The following CDKAL1 variants were observed in gnomAD, a reference collection of about 807,000 sequenced individuals.
The protein encoded by CDKAL1 is threonylcarbamoyladenosine tRNA methylthiotransferase.
In CDKAL1, 32 loss-of-function variants were observed where a neutral mutation model predicts 68.2. That is an observed-to-expected ratio of 0.47 (90% confidence interval 0.35 to 0.63). The LOEUF is 0.63. CDKAL1 is among the 30% of genes least tolerant of loss of function. The pLI, the probability that CDKAL1 is intolerant of heterozygous loss-of-function variation, is 0.00. For missense variants in CDKAL1, 606 were observed against 696.7 expected (o/e 0.87, Z 1.47); for synonymous variants, 234 against 244.3 (o/e 0.96, Z 0.39).
At chr6:21,195,102 C>T (rs954661587) in intron 13 of CDKAL1, among the ~76,000 whole-genome samples, 1 of 152,092 alleles carries the variant, frequency 6.6e-6, no homozygotes, top group African/African-American at 2.4e-5. Context: ...GCAGTGGGGA[C>T]GGATTGCAGC....
intron 4 of CDKAL1, among the ~76,000 whole-genome samples, chr6:20,616,207 G>A (rs1766891448): frequency 1.3e-5 from 2 of 152,156 alleles, no homozygotes; most frequent in Non-Finnish European, 2.9e-5. Flanking sequence ...TTTGAAGTCA[G>A]GTAGTGTGAT....
chr6:20,918,425 T>C (rs777652192), intron 9 of CDKAL1, among the ~76,000 whole-genome samples: 4 of 152,206 alleles, frequency 2.6e-5, no homozygotes, highest in Non-Finnish European at 5.9e-5. Flanking sequence ...AGAATCATAA[T>C]AACCTTGAAT....
intron 4 of CDKAL1, chr6:20,599,316 G>C (rs1765980342): frequency 2.2e-6 from 1 of 449,162 alleles, no homozygotes. Context: ...GAATAAAGTT[G>C]CATTATTGTT....
chr6:20,997,196 G>C (rs1767168792), intron 10 of CDKAL1, among the ~76,000 whole-genome samples: 6 of 152,144 alleles, frequency 3.9e-5, no homozygotes, highest in Admixed American at 3.9e-4. Context: ...TGTATTGCCA[G>C]GAAGAGCTAA....
chr6:21,121,024 A>G (rs928031542), intron 13 of CDKAL1, among the ~76,000 whole-genome samples: 3 of 152,172 alleles, frequency 2.0e-5, no homozygotes, highest in African/African-American at 7.2e-5. Flanking sequence ...CATGATAGAT[A>G]TTGGCCGAGA....
intron 5 of CDKAL1, among the ~76,000 whole-genome samples, chr6:20,698,521 C>T (rs904094181): frequency 1.3e-5 from 2 of 152,114 alleles, no homozygotes; most frequent in Non-Finnish European, 2.9e-5. Context: ...GACAGTTTCT[C>T]AGATTATCTT....
chr6:20,542,134 A>G (rs1763414853), intron 2 of CDKAL1, among the ~76,000 whole-genome samples: 1 of 152,236 alleles, frequency 6.6e-6, no homozygotes, highest in Non-Finnish European at 1.5e-5. Flanking sequence ...CATAGCTGTA[A>G]TGAATACATT....
At chr6:20,791,901 A>G (rs1775913049) in intron 8 of CDKAL1, among the ~76,000 whole-genome samples, 1 of 151,904 alleles carries the variant, frequency 6.6e-6, no homozygotes, top group Non-Finnish European at 1.5e-5. Context: ...GGAGCAGATC[A>G]TTGGATGTAT....
At chr6:21,023,391 T>C (rs2150864923) in intron 11 of CDKAL1, among the ~76,000 whole-genome samples, 1 of 152,310 alleles carries the variant, frequency 6.6e-6, no homozygotes, top group East Asian at 1.9e-4. Context: ...TTACACTTCC[T>C]GTTAGTACCT....
chr6:21,111,915 T>C (rs1015862557), intron 13 of CDKAL1, among the ~76,000 whole-genome samples: 1 of 152,196 alleles, frequency 6.6e-6, no homozygotes. Flanking sequence ...GATAATCTGG[T>C]TATATTTTAT....
chr6:20,847,333 C>T (rs1386946384), intron 9 of CDKAL1, among the ~76,000 whole-genome samples: 3 of 152,052 alleles, frequency 2.0e-5, no homozygotes, highest in Non-Finnish European at 4.4e-5. Flanking sequence ...CCAATACTTC[C>T]AAGGATTTTT....
intron 13 of CDKAL1, among the ~76,000 whole-genome samples, chr6:21,160,575 C>T (rs534518171): frequency 3.1e-4 from 45 of 146,672 alleles, no homozygotes; most frequent in South Asian, 1.7e-3. Context: ...GGATTACAGG[C>T]GTGAGCCACC....
rs572092235 is a variant in CDKAL1 at position 20,955,491 on chromosome 6, C to T, written c.815C>T (p.Pro272Leu). 1.2e-6 allele frequency: 2 copies of T among 1,614,086 alleles called. No individual in the cohort carries two copies. The highest frequency in any genetic ancestry group is 3.3e-5 in the Admixed American group (2 of 60,008). The change falls in exon 10 of 16, where the codon CCC becomes CTC. Residue 272 changes from proline (P) to leucine (L), a missense_variant. Pro to Leu is a moderately conservative substitution (Grantham distance 98, BLOSUM62 -3). Transcript: ENST00000274695. ...AYGRDIGTNL[P>L]TLLWKLVEVI... ...GGCAGAGATATTGGCACCAATCTCC[C>T]CACACTCCTGTGGAAACTGGTTGAA...
intron 13 of CDKAL1, among the ~76,000 whole-genome samples, chr6:21,170,719 G>T (rs1777348768): frequency 6.6e-6 from 1 of 152,138 alleles, no homozygotes; most frequent in African/African-American, 2.4e-5. Flanking sequence ...CTGATGCAAT[G>T]AATATGTTTT....
Position 20,753,525 on chromosome 6 carries a change from A to G in CDKAL1, c.469-5070A>G, listed in dbSNP as rs61652160. ...CTAGGAGCAGTAGGCTATATCATAT[A>G]GCCTAGTTGAGTAGTAGGCTGTACC... On this transcript the variant is annotated intron_variant, in intron 6 of 15. Coordinates refer to ENST00000274695, the MANE Select transcript of CDKAL1 (RefSeq NM_017774.3). Among the ~76,000 whole-genome samples, 1,274 of 152,318 alleles carry G rather than the reference A, an allele frequency of 8.4e-3. 13 individuals carry two copies. Among genetic ancestry groups the G allele is most frequent in the African/African-American group, 0.028 (1,168 of 41,564 alleles).
chr6:21,078,952 G>A (rs1291026424), intron 12 of CDKAL1, among the ~76,000 whole-genome samples: 1 of 152,184 alleles, frequency 6.6e-6, no homozygotes, highest in Non-Finnish European at 1.5e-5. Flanking sequence ...GCATAGAGCA[G>A]GAACTCAGTA....
chr6:20,853,374 C>T (rs1323225269), intron 9 of CDKAL1, among the ~76,000 whole-genome samples: 20 of 139,074 alleles, frequency 1.4e-4, no homozygotes, highest in Non-Finnish European at 2.6e-4. Context: ...GAGGGGATTT[C>T]GTCTCAAAAA....
chr6:21,090,804 T>TA (rs1772968323), intron 12 of CDKAL1, among the ~76,000 whole-genome samples: 1 of 110,550 alleles, frequency 9.0e-6, no homozygotes, highest in African/African-American at 3.4e-5. Flanking sequence ...TTTTCTTTTT[T>TA]CTTTTTTTTT....
chr6:21,024,844 G>T (rs1245439386), intron 11 of CDKAL1, among the ~76,000 whole-genome samples: 1 of 152,112 alleles, frequency 6.6e-6, no homozygotes, highest in African/African-American at 2.4e-5. Flanking sequence ...GAGAGTGCCA[G>T]ATCACAGTTC....
Sources: gnomAD v4.1 joint callset for allele counts (sites outside exome capture counted in the v4.1 genomes callset) on GRCh38, gnomAD v4.1.1 for gene constraint, MANE v1.5 for transcripts, NCBI Gene and HGNC (gene_info 2026-07-23, HGNC 2026-07-21) for gene names.